KIFC3: variants seen among roughly 807,000 people sequenced by gnomAD.
KIFC3 encodes the protein kinesin-like protein KIFC3.
In KIFC3, 60 loss-of-function variants were observed where a neutral mutation model predicts 101.8. The ratio of observed to expected loss-of-function variants is 0.59; its 90% CI spans 0.48 to 0.73. KIFC3 has a LOEUF of 0.73. Ranked by LOEUF, KIFC3 falls within the 30% of genes least tolerant of loss-of-function variation. The pLI is 0.00. For missense variants in KIFC3, 966 were observed against 1,137.1 expected, an observed-to-expected ratio of 0.85 and a Z score of 2.16; for synonymous variants, 476 against 482.7, an observed-to-expected ratio of 0.99 and a Z score of 0.18.
rs548750626 is a variant in KIFC3, at chr16:57,861,806, G to A, written c.108+923C>T. On this transcript the variant is annotated intron_variant, in intron 1 of 2. Transcript: ENST00000563028. ...TCTACTAAAAATACAAAAATTAGCCGGGCGTGATGGTGTGCACCTGTAATC... is the reference window on the plus strand; with the variant it reads ...TCTACTAAAAATACAAAAATTAGCCAGGCGTGATGGTGTGCACCTGTAATC... Among the ~76,000 whole-genome samples, 224 of 152,122 alleles carry A rather than the reference G, an allele frequency of 1.5e-3. 1 individual carries two copies. The highest frequency in any genetic ancestry group is 4.9e-3 in the African/African-American group (204 of 41,510).
chr16:57,760,632 G>A, intron 16 of KIFC3, 94 bp downstream of exon 16: 2 of 1,205,260 alleles, frequency 1.7e-6, no homozygotes, highest in Non-Finnish European at 2.4e-6. Flanking sequence ...TAGGGGCGGG[G>A]AGGTCCATTT....
At position 57,771,454 on chromosome 16, in the gene KIFC3, G is replaced by A; in HGVS notation, c.526-17C>T. On this transcript the variant is annotated splice_polypyrimidine_tract_variant and intron_variant, in intron 5 of 19. Transcript: ENST00000445690. ...GGCGCTCTCCTGCAGCCATTGGGAGGCACTGGATGAGTGCAAGGGACAGGC... is the reference window on the plus strand; with the variant it reads ...GGCGCTCTCCTGCAGCCATTGGGAGACACTGGATGAGTGCAAGGGACAGGC... 1 of 1,613,358 alleles carries A rather than the reference G, an allele frequency of 6.2e-7. No homozygotes were observed. Among genetic ancestry groups the A allele is most frequent in the Non-Finnish European group, 8.5e-7 (1 of 1,179,896 alleles).
At chr16:57,843,364 C>T (rs572745803) in intron 1 of KIFC3, among the ~76,000 whole-genome samples, 8 of 152,230 alleles carry the variant, frequency 5.3e-5, no homozygotes, top group Non-Finnish European at 8.8e-5. Flanking sequence ...GGCCTTGGAC[C>T]GCACACTTCA....
chr16:57,853,544 C>T (rs1464743585), intron 1 of KIFC3, among the ~76,000 whole-genome samples: 2 of 152,250 alleles, frequency 1.3e-5, no homozygotes, highest in Middle Eastern at 3.4e-3. Flanking sequence ...AACCCAAATT[C>T]GAGCATATTA....
Position 57,765,621 on chromosome 16 carries a change from A to T in KIFC3, c.1350T>A (p.Ala450=). 1 of 1,611,598 alleles carries T rather than the reference A, an allele frequency of 6.2e-7. No homozygotes were observed. The highest frequency in any genetic ancestry group is 8.5e-7 in the Non-Finnish European group (1 of 1,178,948). Residue 450 remains alanine (A), a synonymous_variant, in exon 11 of 20, where the codon GCT becomes GCA. Coordinates refer to ENST00000445690, the MANE Select transcript of KIFC3 (RefSeq NM_001130100.2). ...CCTCTTTGGTGACTGGCCGGACACG[A>T]GCAATCACTCGGATGTTCCCTGGAT... ...VRLKGNIRVI[A]RVRPVTKEDG...
At chr16:57,831,410 C>A (rs1167629272) in intron 1 of KIFC3, among the ~76,000 whole-genome samples, 1 of 152,222 alleles carries the variant, frequency 6.6e-6, no homozygotes, top group Non-Finnish European at 1.5e-5. Flanking sequence ...CTTAAGGCAG[C>A]GGCTCATGCC....
chr16:57,789,896 C>G (rs916457775), intron 3 of KIFC3, among the ~76,000 whole-genome samples: 3 of 151,866 alleles, frequency 2.0e-5, no homozygotes, highest in Admixed American at 6.6e-5. Flanking sequence ...GCCATCACAC[C>G]TGGCTAATTT....
chr16:57,840,696 G>GT (rs1369560257), intron 1 of KIFC3, among the ~76,000 whole-genome samples: 1 of 150,644 alleles, frequency 6.6e-6, no homozygotes, highest in African/African-American at 2.5e-5. Flanking sequence ...GGAGGCAGAG[G>GT]TTGTAGCTAG....
intron 12 of KIFC3, 67 bp from the exon 13 acceptor site, chr16:57,762,337 C>T: frequency 7.2e-7 from 1 of 1,396,064 alleles, no homozygotes; most frequent in Non-Finnish European, 9.4e-7. Flanking sequence ...TGGTGTCTGT[C>T]CCCAAAGCCC....
intron 1 of KIFC3, among the ~76,000 whole-genome samples, chr16:57,857,871 G>A (rs1187853931): frequency 8.2e-6 from 1 of 122,070 alleles, no homozygotes; most frequent in African/African-American, 3.1e-5. Flanking sequence ...CTGTCGCCCA[G>A]GCTGGAGTGC....
chr16:57,770,694 T>A lies in KIFC3; in HGVS notation c.772A>T (p.Ile258Phe). Residue 258 changes from isoleucine (I) to phenylalanine (F), a missense_variant, in exon 7 of 20, where the codon ATC (isoleucine) becomes TTC (phenylalanine). This residue lies in a region of KIFC3 where 689 missense variants were observed against 884.6 expected (regional missense o/e 0.78). Coordinates refer to ENST00000445690, the MANE Select transcript of KIFC3 (RefSeq NM_001130100.2). Reference protein sequence around the residue: ...RAQSPPVKYVIKTVEVESSKT... With the variant: ...RAQSPPVKYVFKTVEVESSKT... ...GACGACTCCACCTCCACTGTCTTGATGACATACTGCAGGGTGAGGGAGGAA... is the reference window on the plus strand; with the variant it reads ...GACGACTCCACCTCCACTGTCTTGAAGACATACTGCAGGGTGAGGGAGGAA... The A allele has an allele frequency of 6.7e-7, 1 of 1,500,286 alleles. No individual in the cohort carries two copies. The highest frequency in any genetic ancestry group is 8.9e-7 in the Non-Finnish European group (1 of 1,119,972). The allele number at this position is 1,500,286 out of a possible 1,614,324, so 92.9% of individuals were successfully genotyped here. A position where few individuals can be genotyped will look rare whatever the true frequency, so the allele number is the denominator to read the frequency against.
In KIFC3 at chr16:57,847,274, AG is replaced by A. The variant is rs1567339576; in HGVS notation, c.108+15454del. 8.5e-3 allele frequency among the ~76,000 whole-genome samples: 378 copies of A among 44,334 alleles called. 4 individuals carry two copies. The highest frequency in any genetic ancestry group is 0.032 in the African/African-American group (350 of 11,086). 29.1% of individuals were successfully genotyped at this position (44,334 alleles called of 152,430 possible). A position where few individuals can be genotyped will look rare whatever the true frequency, so the allele number is the denominator to read the frequency against. ...AGGAAGGAAGGAAGGAAGGAAGGGA[AG>A]GGAGGGAGGGAGAGAGGGCGGGGAG... is the stretch of plus-strand genomic sequence containing the variant. On this transcript the variant is annotated intron_variant, in intron 1 of 2. Transcript: ENST00000563028.
intron 4 of KIFC3, 125 bp downstream of exon 4, chr16:57,772,098 T>G: frequency 5.0e-6 from 4 of 803,148 alleles, no homozygotes; most frequent in Non-Finnish European, 8.0e-6. Flanking sequence ...TCTCGGTGTG[T>G]TTCTGAGACA....
At chr16:57,766,433 G>T (rs1555603019) in intron 10 of KIFC3, among the ~76,000 whole-genome samples, 1 of 152,224 alleles carries the variant, frequency 6.6e-6, no homozygotes, top group Non-Finnish European at 1.5e-5. Context: ...TGTGCACCGG[G>T]AGGCAGTCTG....
chr16:57,777,495 C>T (rs1400019410), intron 3 of KIFC3, among the ~76,000 whole-genome samples: 3 of 151,786 alleles, frequency 2.0e-5, no homozygotes, highest in African/African-American at 7.3e-5. Context: ...CCGAGGCAGG[C>T]GGATCACCTG....
At chr16:57,826,680 A>C (rs2055463343) in intron 1 of KIFC3, among the ~76,000 whole-genome samples, 1 of 152,224 alleles carries the variant, frequency 6.6e-6, no homozygotes. Context: ...GAACAGGTGC[A>C]GGAAAATTGT....
rs530872956 is a variant in KIFC3, at chr16:57,760,919, C to T, written c.2039G>A (p.Arg680His). Residue 680 changes from arginine to histidine, a missense_variant, in exon 16 of 20, where the codon CGC becomes CAC. This residue lies in a region of KIFC3 where 689 missense variants were observed against 884.6 expected (regional missense o/e 0.78). Transcript: ENST00000445690. Reference protein sequence around the residue: ...LNLVDLAGSERVGKSGAEGSR... With the variant: ...LNLVDLAGSEHVGKSGAEGSR... The stretch of plus-strand genomic sequence containing the variant: ...GCCCTCGGCCCCCGACTTGCCCACG[C>T]GCTCCGAGCCAGCCAAGTCCACCAG... The T allele has an allele frequency of 5.0e-6, 8 of 1,607,446 alleles. No homozygotes were observed. In the African/African-American group the frequency reaches 5.3e-5, roughly 11 times the overall value.
At chr16:57,836,488 A>G (rs1480800708) in intron 1 of KIFC3, among the ~76,000 whole-genome samples, 2 of 152,102 alleles carry the variant, frequency 1.3e-5, no homozygotes, top group African/African-American at 4.8e-5. Flanking sequence ...TGAAGAGCTA[A>G]GCCTCTGGGC....
At chr16:57,760,148 G>A (rs1288810078) in intron 17 of KIFC3, 134 bp downstream of exon 17, 28 of 1,084,428 alleles carry the variant, frequency 2.6e-5, no homozygotes, top group Non-Finnish European at 3.2e-5. Flanking sequence ...GGTTCCAGCC[G>A]TAGCTCCACC....
Sources: gnomAD v4.1 joint callset for allele counts (sites outside exome capture counted in the v4.1 genomes callset) on GRCh38, gnomAD v4.1.1 for gene constraint, gnomAD v4.1.1 regional missense constraint, MANE v1.5 for transcripts, NCBI Gene and HGNC (gene_info 2026-07-23, HGNC 2026-07-21) for gene names.